ZFAT: variants seen among roughly 807,000 people sequenced by gnomAD.
ZFAT encodes the protein zinc finger protein ZFAT.
A neutral mutation model predicts 117.7 loss-of-function variants in ZFAT; 64 were observed. That is an observed-to-expected ratio of 0.54 (90% CI 0.44 to 0.67). ZFAT has a LOEUF of 0.67. Among genes scored for constraint, ZFAT ranks in the 30% least tolerant of loss-of-function variants. The pLI is 0.00. For missense variants in ZFAT, 1,433 were observed against 1,584.5 expected (o/e 0.90, Z 1.62); for synonymous variants, 679 against 615.0 (o/e 1.10, Z -1.54).
chr8:134,649,565 G>A (rs1356501238), intron 2 of ZFAT, among the ~76,000 whole-genome samples: 1 of 152,100 alleles, frequency 6.6e-6, no homozygotes, highest in African/African-American at 2.4e-5. Flanking sequence ...AACTAGCAAT[G>A]AGCAATCTGA....
chr8:134,800,160 C>T, the ZFAT span, among the ~76,000 whole-genome samples: 1 of 152,062 alleles, frequency 6.6e-6, no homozygotes, highest in Non-Finnish European at 1.5e-5. Context: ...ATTCTTTTGT[C>T]CCAATACCCA....
intron 13 of ZFAT, among the ~76,000 whole-genome samples, chr8:134,515,171 T>C (rs1563797008): frequency 6.6e-6 from 1 of 152,238 alleles, no homozygotes; most frequent in East Asian, 1.9e-4. Context: ...TATTCCATGG[T>C]GTATGTGTAC....
At chr8:134,609,151 C>G (rs1469980060) in intron 4 of ZFAT, among the ~76,000 whole-genome samples, 1 of 148,924 alleles carries the variant, frequency 6.7e-6, no homozygotes, top group Non-Finnish European at 1.5e-5. Flanking sequence ...AAAAAGTACA[C>G]ATATACACAC....
At chr8:134,620,815 C>G (rs1829059739) in intron 3 of ZFAT, among the ~76,000 whole-genome samples, 1 of 152,152 alleles carries the variant, frequency 6.6e-6, no homozygotes, top group Non-Finnish European at 1.5e-5. Flanking sequence ...CAAAGAACAG[C>G]TGACAAGCAG....
intron 15 of ZFAT, among the ~76,000 whole-genome samples, chr8:134,501,247 G>A (rs1012442772): frequency 2.0e-5 from 3 of 152,104 alleles, no homozygotes; most frequent in Non-Finnish European, 4.4e-5. Flanking sequence ...CTATGCTCTC[G>A]GTCCTGGAGA....
the ZFAT span, among the ~76,000 whole-genome samples, chr8:134,758,678 G>A: frequency 6.6e-6 from 1 of 152,242 alleles, no homozygotes. Context: ...GAGACAACTT[G>A]TCTCTGGCAA....
chr8:134,549,459 A>AG (rs1425457226), intron 11 of ZFAT, among the ~76,000 whole-genome samples: 4 of 148,000 alleles, frequency 2.7e-5, no homozygotes, highest in African/African-American at 2.5e-5. Context: ...AAAAAAAAAA[A>AG]AAGAAGAAGA....
chr8:134,615,091 G>A (rs912216856), intron 3 of ZFAT, among the ~76,000 whole-genome samples: 10 of 152,204 alleles, frequency 6.6e-5, no homozygotes, highest in East Asian at 3.9e-4. Context: ...TCAAATCTGC[G>A]CTGAGTGCAG....
the ZFAT span, among the ~76,000 whole-genome samples, chr8:134,816,263 T>A: frequency 6.6e-6 from 1 of 152,200 alleles, no homozygotes; most frequent in Non-Finnish European, 1.5e-5. Context: ...ACCTAAAATA[T>A]GAACCTTAAC....
At chr8:134,810,657 C>G in the ZFAT span, among the ~76,000 whole-genome samples, 1 of 152,176 alleles carries the variant, frequency 6.6e-6, no homozygotes, top group African/African-American at 2.4e-5. Context: ...CGCTCCACAC[C>G]AGTTTCCCAA....
intron 1 of ZFAT, among the ~76,000 whole-genome samples, chr8:134,664,876 G>A (rs923534801): frequency 2.0e-5 from 3 of 152,170 alleles, no homozygotes; most frequent in African/African-American, 7.2e-5. Flanking sequence ...GAATTCAAAG[G>A]GAAAATGACA....
chr8:134,754,244 T>C, the ZFAT span, among the ~76,000 whole-genome samples: 99 of 152,290 alleles, frequency 6.5e-4, no homozygotes, highest in African/African-American at 2.3e-3. Context: ...AACCATCAGA[T>C]GATGCCCGAG....
At chr8:134,652,056 G>C (rs945407037) in intron 2 of ZFAT, among the ~76,000 whole-genome samples, 1 of 152,100 alleles carries the variant, frequency 6.6e-6, no homozygotes, top group Non-Finnish European at 1.5e-5. Context: ...GGTGGCTCAC[G>C]CCTCTAATCC....
chr8:134,779,857 C>T, the ZFAT span, among the ~76,000 whole-genome samples: 5 of 152,194 alleles, frequency 3.3e-5, no homozygotes, highest in South Asian at 2.1e-4. Context: ...GTTTTATACC[C>T]GCAACCCTGA....
At chr8:134,547,206 G>A (rs940112112) in intron 11 of ZFAT, among the ~76,000 whole-genome samples, 4 of 152,188 alleles carry the variant, frequency 2.6e-5, no homozygotes, top group East Asian at 1.9e-4. Context: ...TAATGTTCAC[G>A]GCCCGGTCTC....
the ZFAT span, chr8:134,765,194 A>G: frequency 1.3e-5 from 2 of 152,196 alleles, no homozygotes; most frequent in Non-Finnish European, 2.9e-5. Flanking sequence ...TTACCACTAA[A>G]TAACATATAT....
chr8:134,527,628 G>C (rs1331348913), intron 12 of ZFAT, among the ~76,000 whole-genome samples: 1 of 152,236 alleles, frequency 6.6e-6, no homozygotes, highest in Non-Finnish European at 1.5e-5. Context: ...CAAGCACTGA[G>C]GTGGAGGGTT....
chr8:134,714,903 C>T (rs1409901152), upstream of ZFAT, among the ~76,000 whole-genome samples: 1 of 152,178 alleles, frequency 6.6e-6, no homozygotes, highest in African/African-American at 2.4e-5. Flanking sequence ...CACAGAGTCG[C>T]TTCACAGCCA....
At chr8:134,817,004 C>T in the ZFAT span, among the ~76,000 whole-genome samples, 1 of 151,398 alleles carries the variant, frequency 6.6e-6, no homozygotes, top group Admixed American at 6.6e-5. Flanking sequence ...AAAAGTATAC[C>T]ATTTACAAAA....
Sources: gnomAD v4.1 joint callset for allele counts (sites outside exome capture counted in the v4.1 genomes callset) on GRCh38, gnomAD v4.1.1 for gene constraint, MANE v1.5 for transcripts, NCBI Gene and HGNC (gene_info 2026-07-23, HGNC 2026-07-21) for gene names.